UGT2A2: variants seen among roughly 807,000 people sequenced by gnomAD.
UGT2A2 encodes UDP glucuronosyltransferase family 2 member A2.
A neutral mutation model predicts 50.7 loss-of-function variants in UGT2A2; 60 were observed. That is an observed-to-expected ratio of 1.18 (90% CI 0.96 to 1.47). The LOEUF (loss-of-function observed/expected upper bound fraction) is 1.47, where lower values mean the gene tolerates loss of function less well. Among genes scored for constraint, UGT2A2 ranks in the 40% most tolerant of loss-of-function variants. The pLI is 0.00. For synonymous variants in UGT2A2, 242 were observed against 214.6 expected (o/e 1.13, Z -1.11); for missense variants, 762 against 634.0 (o/e 1.20, Z -2.17).
intron 1 of UGT2A2, among the ~76,000 whole-genome samples, chr4:69,628,275 T>C (rs4694027): frequency 2.9e-5 from 4 of 136,666 alleles, no homozygotes; most frequent in African/African-American, 5.9e-5. Context: ...AAAATTTATA[T>C]GGAGCCACAA....
chr4:69,630,966 T>C (rs961611910), intron 1 of UGT2A2, among the ~76,000 whole-genome samples: 1 of 152,176 alleles, frequency 6.6e-6, no homozygotes, highest in African/African-American at 2.4e-5. Flanking sequence ...ACTACTTAAA[T>C]GTTATTAATA....
intron 5 of UGT2A2, among the ~76,000 whole-genome samples, chr4:69,590,424 G>T (rs1718521426): frequency 6.6e-6 from 1 of 152,158 alleles, no homozygotes; most frequent in East Asian, 1.9e-4. Context: ...TTCCCTAGTT[G>T]TTAAACCAAA....
chr4:69,637,890 G>T (rs1459534662), intron 1 of UGT2A2, among the ~76,000 whole-genome samples: 4 of 148,910 alleles, frequency 2.7e-5, no homozygotes, highest in African/African-American at 7.5e-5. Flanking sequence ...AAGTAAAAAA[G>T]GAAGGAAGGC....
chr4:69,629,422 TA>T (rs1721264563), intron 1 of UGT2A2, among the ~76,000 whole-genome samples: 1 of 152,096 alleles, frequency 6.6e-6, no homozygotes, highest in East Asian at 1.9e-4. Flanking sequence ...CAGTGCCTAA[TA>T]AGAGTGTTTT....
At chr4:69,626,833 G>C (rs1188416622) in intron 1 of UGT2A2, among the ~76,000 whole-genome samples, 1 of 151,058 alleles carries the variant, frequency 6.6e-6, no homozygotes, top group Admixed American at 6.6e-5. Flanking sequence ...TATTTATTTT[G>C]CTTCTCAAAT....
At chr4:69,601,549 T>A (rs1560471396) in intron 1 of UGT2A2, among the ~76,000 whole-genome samples, 2 of 152,122 alleles carry the variant, frequency 1.3e-5, no homozygotes, top group African/African-American at 2.4e-5. Flanking sequence ...AGGAAAACAC[T>A]TCTGCATGAC....
At chr4:69,625,603 G>T (rs1721010249) in intron 1 of UGT2A2, among the ~76,000 whole-genome samples, 1 of 150,586 alleles carries the variant, frequency 6.6e-6, no homozygotes, top group Admixed American at 6.6e-5. Flanking sequence ...GTTTAATGTG[G>T]GCTTGTTTAT....
At chr4:69,635,019 G>A (rs890681322) in intron 1 of UGT2A2, among the ~76,000 whole-genome samples, 7 of 151,874 alleles carry the variant, frequency 4.6e-5, no homozygotes, top group Non-Finnish European at 7.4e-5. Flanking sequence ...TGGATACCCC[G>A]TACTCCAGGA....
chr4:69,610,192 G>A (rs1719953510), intron 1 of UGT2A2, among the ~76,000 whole-genome samples: 1 of 152,004 alleles, frequency 6.6e-6, no homozygotes. Flanking sequence ...ATTTTTAAAT[G>A]TGCAAAAATT....
chr4:69,616,953 C>T (rs1198615392), intron 1 of UGT2A2, among the ~76,000 whole-genome samples: 1 of 147,880 alleles, frequency 6.8e-6, no homozygotes, highest in African/African-American at 2.5e-5. Context: ...GCATAAGTTT[C>T]TGCCCATGCT....
intron 1 of UGT2A2, among the ~76,000 whole-genome samples, chr4:69,616,272 A>G (rs1720376716): frequency 6.6e-6 from 1 of 151,954 alleles, no homozygotes; most frequent in South Asian, 2.1e-4. Context: ...GGCATGATTA[A>G]TAGCTACAAA....
chr4:69,626,923 C>T (rs951207116), intron 1 of UGT2A2, among the ~76,000 whole-genome samples: 1 of 151,710 alleles, frequency 6.6e-6, no homozygotes, highest in Non-Finnish European at 1.5e-5. Flanking sequence ...GCACTTTTCA[C>T]TTTTTGGTAT....
At chr4:69,637,946 A>G (rs1721808710) in intron 1 of UGT2A2, among the ~76,000 whole-genome samples, 1 of 150,408 alleles carries the variant, frequency 6.6e-6, no homozygotes, top group Admixed American at 6.6e-5. Context: ...AAGGAAGGAA[A>G]GAAGGAAGGA....
In UGT2A2 at chr4:69,639,562, C is replaced by T. The variant is rs1432081771; in HGVS notation, c.79G>A (p.Val27Ile). 1 of 1,611,816 alleles carries T rather than the reference C, an allele frequency of 6.2e-7. No homozygotes were observed. The highest frequency in any genetic ancestry group is 1.3e-5 in the African/African-American group (1 of 74,886). The change falls in exon 1 of 6, where the codon GTT becomes ATT. Residue 27 changes from valine (V) to isoleucine (I), a missense_variant. By Grantham distance (29) the Val-to-Ile change is conservative (BLOSUM62 3). Transcript: ENST00000604629. ...LVFNLTLTEV[V>I]LSGNVLIWPT... ...CAAATTAACACATTCCCACTTAGAACAACTTCAGTCAGAGTCAAATTAAAA... is the reference window on the plus strand; with the variant it reads ...CAAATTAACACATTCCCACTTAGAATAACTTCAGTCAGAGTCAAATTAAAA...
At chr4:69,611,460 T>C (rs534225123) in intron 1 of UGT2A2, among the ~76,000 whole-genome samples, 19 of 151,914 alleles carry the variant, frequency 1.3e-4, no homozygotes, top group African/African-American at 1.7e-4. Context: ...AAAAAACTAA[T>C]AAATGTATGC....
At position 69,589,602 on chromosome 4, in the gene UGT2A2, C is replaced by G; in HGVS notation, c.1381G>C (p.Val461Leu). The G allele has an allele frequency of 6.2e-7, 1 of 1,613,970 alleles. No homozygotes were observed. The highest frequency in any genetic ancestry group is 8.5e-7 in the Non-Finnish European group (1 of 1,179,870). Reference protein sequence around the residue: ...RLSRIHHDQPVKPLDRAVFWI... With the variant: ...RLSRIHHDQPLKPLDRAVFWI... The stretch of plus-strand genomic sequence containing the variant: ...AAGACTGCTCGATCCAGGGGCTTTA[C>G]AGGTTGATCATGGTGAATTCTTGAT... The change falls in exon 6 of 6, where the codon GTA becomes CTA. Residue 461 changes from valine to leucine, a missense_variant. Val to Leu is a conservative substitution (Grantham distance 32). Coordinates refer to ENST00000604629, the MANE Select transcript of UGT2A2 (RefSeq NM_001105677.2).
intron 1 of UGT2A2, among the ~76,000 whole-genome samples, chr4:69,622,059 T>C (rs1289690709): frequency 6.6e-6 from 1 of 151,826 alleles, no homozygotes; most frequent in African/African-American, 2.4e-5. Context: ...TATTGAGTAC[T>C]AGGCTTAATA....
At chr4:69,621,395 C>A (rs1364076588) in intron 1 of UGT2A2, among the ~76,000 whole-genome samples, 1 of 151,614 alleles carries the variant, frequency 6.6e-6, no homozygotes, top group Non-Finnish European at 1.5e-5. Flanking sequence ...TATTAAAAAG[C>A]TAAAAGCTAA....
chr4:69,617,763 C>G (rs1198298873), intron 1 of UGT2A2, among the ~76,000 whole-genome samples: 2 of 151,696 alleles, frequency 1.3e-5, no homozygotes, highest in African/African-American at 2.4e-5. Context: ...TTATAATACA[C>G]TTACTATCTA....
Sources: allele counts gnomAD v4.1 joint callset (sites outside exome capture counted in the v4.1 genomes callset), GRCh38; gene constraint gnomAD v4.1.1; transcripts MANE v1.5; gene names NCBI Gene and HGNC (gene_info 2026-07-23, HGNC 2026-07-21).